Variants in KCNQ1 observed in about 807,000 individuals in gnomAD.
KCNQ1 encodes potassium voltage-gated channel subfamily Q member 1, also known as potassium voltage-gated channel subfamily KQT member 1.
In KCNQ1, 49 loss-of-function variants were observed where a neutral mutation model predicts 72.4. That is an observed-to-expected ratio of 0.68 (90% CI 0.54 to 0.86). The LOEUF (loss-of-function observed/expected upper bound fraction) is 0.86, where lower values mean the gene tolerates loss of function less well. KCNQ1 is among the 40% of genes least tolerant of loss of function. The pLI is 0.00. For missense variants in KCNQ1, 790 were observed against 945.1 expected, an observed-to-expected ratio of 0.84 and a Z score of 2.15; for synonymous variants, 450 against 412.6, an observed-to-expected ratio of 1.09 and a Z score of -1.10.
At chr11:2,846,747 G>T (rs372628675) in intron 15 of KCNQ1, among the ~76,000 whole-genome samples, 1 of 152,258 alleles carries the variant, frequency 6.6e-6, no homozygotes, top group Non-Finnish European at 1.5e-5. Context: ...ATTCCCCAGC[G>T]GTGCTGTCCT....
chr11:2,661,965 GA>G lies in KCNQ1; in HGVS notation c.1400del (p.Lys467ArgfsTer8). Reference sequence around the variant, plus strand: ...GTCCCCACACTTTCTCCTCAGTAAGGAAGAGCCCAACACTGCTGGAAGTGAG... The same window carrying G: ...GTCCCCACACTTTCTCCTCAGTAAGGAGAGCCCAACACTGCTGGAAGTGAG... ...SVDGYDSSVR[K>X]SPTLLEVSMP... On this transcript the variant is annotated frameshift_variant, in exon 11 of 16. Transcript: ENST00000155840. LOFTEE classifies it high-confidence loss of function. This position sits in a 1 kb window ranked among gnomAD's most constrained non-coding sequence, Gnocchi z 5.9. 1.2e-6 allele frequency: 2 copies of G among 1,614,182 alleles called. No homozygotes were observed. The highest frequency in any genetic ancestry group is 2.2e-5 in the South Asian group (2 of 91,086).
chr11:2,676,785 T>C lies in KCNQ1; in HGVS notation c.1514+14704T>C, dbSNP rs1381178938. ...GCAACCCTAGGACATTTGAAGAGAATGGAGTGATGGCCAGTGTATTGTGCT... is the reference window on the plus strand; with the variant it reads ...GCAACCCTAGGACATTTGAAGAGAACGGAGTGATGGCCAGTGTATTGTGCT... On this transcript the variant is annotated intron_variant, in intron 11 of 15. Coordinates refer to ENST00000155840, the MANE Select transcript of KCNQ1 (RefSeq NM_000218.3). The surrounding 1 kb of genome is among the most constrained non-coding windows in gnomAD (Gnocchi z 4.2). 2.5e-6 allele frequency: 1 copy of C among 398,482 alleles called. No individual in the cohort carries two copies. Among genetic ancestry groups the C allele is most frequent in the East Asian group, 3.6e-5 (1 of 28,084 alleles). 24.7% of individuals were successfully genotyped at this position (398,482 alleles called of 1,614,324 possible).
In KCNQ1 at chr11:2,830,047, G is replaced by T. The variant is rs539786014; in HGVS notation, c.1795-17720G>T. Among the ~76,000 whole-genome samples, 94 of 150,528 alleles carry T rather than the reference G, an allele frequency of 6.2e-4. No individual in the cohort carries two copies. Among genetic ancestry groups the T allele is most frequent in the Admixed American group, 4.6e-4 (7 of 15,126 alleles). On this transcript the variant is annotated intron_variant, in intron 15 of 15. Transcript: ENST00000155840. This position sits in a 1 kb window ranked among gnomAD's most constrained non-coding sequence, Gnocchi z 7.7. The stretch of plus-strand genomic sequence containing the variant: ...GGAGGAAGGAGGAGGGAGGAGGAAG[G>T]AGGAGGGAGGAGGGAGGAAGAGAGA...
At position 2,536,774 on chromosome 11, in the gene KCNQ1, G is replaced by T. The variant is rs1025398617; in HGVS notation, c.477+8756G>T. ...TGGGCTGCGTGATGGGGGACCCCAG[G>T]CTGGGCGGCTTAAACCGTGGAGGTC... is the stretch of plus-strand genomic sequence containing the variant. On this transcript the variant is annotated intron_variant, in intron 2 of 15. Transcript: ENST00000155840. This position sits in a 1 kb window ranked among gnomAD's most constrained non-coding sequence, Gnocchi z 7.4. 2.0e-5 allele frequency among the ~76,000 whole-genome samples: 3 copies of T among 150,994 alleles called. No homozygotes were observed. Among genetic ancestry groups the T allele is most frequent in the Admixed American group, 2.0e-4 (3 of 15,248 alleles).
intron 2 of KCNQ1, among the ~76,000 whole-genome samples, chr11:2,528,519 C>T (rs542041111): frequency 7.9e-5 from 12 of 152,206 alleles, no homozygotes; most frequent in Non-Finnish European, 1.8e-4. Context: ...GAGAGCAGGG[C>T]AGGGCAGGCT....
At chr11:2,540,097 G>C (rs1157250164) in intron 2 of KCNQ1, among the ~76,000 whole-genome samples, 1 of 152,140 alleles carries the variant, frequency 6.6e-6, no homozygotes, top group African/African-American at 2.4e-5. Flanking sequence ...GATCCACCCT[G>C]TGGGGCCCAC....
At chr11:2,501,684 A>G (rs112298245) in intron 1 of KCNQ1, among the ~76,000 whole-genome samples, 2,644 of 139,362 alleles carry the variant, frequency 0.019, 41 homozygotes, top group South Asian at 0.057. Context: ...CAAGGCCCGT[A>G]TTACCCTGTT....
chr11:2,580,506 G>T (rs1255828134), intron 6 of KCNQ1, among the ~76,000 whole-genome samples: 3 of 152,098 alleles, frequency 2.0e-5, no homozygotes, highest in African/African-American at 4.8e-5. Context: ...AGAAAGCCTG[G>T]CTCCCCAGAG....
In KCNQ1 at chr11:2,679,694, T is replaced by C. The variant is rs555789258; in HGVS notation, c.1514+17613T>C. ...GCATAGGATCCCAGATTAGATTTTT[T>C]TTAAATCAGCCGTTCTCTGTATTCT... On this transcript the variant is annotated intron_variant, in intron 11 of 15. Transcript: ENST00000155840. The surrounding 1 kb of genome is among the most constrained non-coding windows in gnomAD (Gnocchi z 4.8). The C allele has an allele frequency of 2.5e-6, 1 of 398,584 alleles. No homozygotes were observed. Among genetic ancestry groups the C allele is most frequent in the South Asian group, 1.3e-4 (1 of 7,856 alleles). The allele number at this position is 398,584 out of a possible 1,614,324, so 24.7% of individuals were successfully genotyped here.
Position 2,752,224 on chromosome 11 carries a change from T to TGAACC in KCNQ1, c.1515-16620_1515-16619insGAACC, listed in dbSNP as rs1846238128. 6.6e-6 allele frequency among the ~76,000 whole-genome samples: 1 copy of TGAACC among 152,148 alleles called. No individual in the cohort carries two copies. The highest frequency in any genetic ancestry group is 1.5e-5 in the Non-Finnish European group (1 of 68,036). ...CTGAGTTGAGGTGACTGGGTTGATT[T>TGAACC]TAGCTTCACAGGTGATCTGAACCCA... On this transcript the variant is annotated intron_variant, in intron 11 of 15. Transcript: ENST00000155840. The surrounding 1 kb of genome is among the most constrained non-coding windows in gnomAD (Gnocchi z 5.2).
rs1388406076 is a variant in KCNQ1 at position 2,665,353 on chromosome 11, G to C, written c.1514+3272G>C. The C allele has an allele frequency of 1.0e-5, 4 of 398,082 alleles. No homozygotes were observed. In the East Asian group the frequency reaches 1.1e-4, roughly 11 times the overall value. The allele number at this position is 398,082 out of a possible 1,614,324, so 24.7% of individuals were successfully genotyped here. A position where few individuals can be genotyped will look rare whatever the true frequency, so the allele number is the denominator to read the frequency against. On this transcript the variant is annotated intron_variant, in intron 11 of 15. Coordinates refer to ENST00000155840, the MANE Select transcript of KCNQ1 (RefSeq NM_000218.3). ...GACTGTAGGCCTGCATGGGCAGTTG[G>C]GGAGCACCCCCATGACAAGAGGAGC...
chr11:2,517,993 C>A (rs376686487), intron 1 of KCNQ1, among the ~76,000 whole-genome samples: 1 of 152,264 alleles, frequency 6.6e-6, no homozygotes, highest in East Asian at 1.9e-4. Flanking sequence ...TAACTCACTT[C>A]CAGATTCACC....
intron 6 of KCNQ1, among the ~76,000 whole-genome samples, chr11:2,581,594 C>T (rs1055544021): frequency 6.6e-6 from 1 of 152,242 alleles, no homozygotes; most frequent in Non-Finnish European, 1.5e-5. Context: ...CTGCGCTGTG[C>T]GTTCAAGGTG....
intron 11 of KCNQ1, among the ~76,000 whole-genome samples, chr11:2,763,395 C>G (rs1448389248): frequency 2.4e-5 from 2 of 82,056 alleles, no homozygotes; most frequent in East Asian, 6.1e-4. Flanking sequence ...AAGACCCCAT[C>G]TTAGAAGAAA....
rs1013330296 is a variant in KCNQ1, at chr11:2,813,115, G to A, written c.1795-34652G>A. On this transcript the variant is annotated intron_variant, in intron 15 of 15. Transcript: ENST00000155840. This position sits in a 1 kb window ranked among gnomAD's most constrained non-coding sequence, Gnocchi z 4.4. Reference sequence around the variant, plus strand: ...CCTGTGAGAACCCTGTGCCTAGAACGGAGCCTGGTACAGAGGAAGAACCCG... The same window carrying A: ...CCTGTGAGAACCCTGTGCCTAGAACAGAGCCTGGTACAGAGGAAGAACCCG... Among the ~76,000 whole-genome samples, 3 of 152,218 alleles carry A rather than the reference G, an allele frequency of 2.0e-5. No individual in the cohort carries two copies. Among genetic ancestry groups the A allele is most frequent in the Non-Finnish European group, 2.9e-5 (2 of 68,038 alleles).
chr11:2,749,447 A>G (rs1233829145), intron 11 of KCNQ1, among the ~76,000 whole-genome samples: 2 of 152,062 alleles, frequency 1.3e-5, no homozygotes, highest in Non-Finnish European at 2.9e-5. Flanking sequence ...CACGCTGCTG[A>G]GCCTCTCTGG....
chr11:2,484,006 A>T lies in KCNQ1; in HGVS notation c.386+38522A>T, dbSNP rs780277474. On this transcript the variant is annotated intron_variant, in intron 1 of 15. Transcript: ENST00000155840. This position sits in a 1 kb window ranked among gnomAD's most constrained non-coding sequence, Gnocchi z 5.2. ...CCAAATGGGGATTTGTTTATTTCCC[A>T]CTTTCTTTCTATGTTTGTTAATTTG... Among the ~76,000 whole-genome samples, 1 of 152,056 alleles carries T rather than the reference A, an allele frequency of 6.6e-6. No individual in the cohort carries two copies. The highest frequency in any genetic ancestry group is 1.5e-5 in the Non-Finnish European group (1 of 67,978).
chr11:2,630,790 C>CT, intron 10 of KCNQ1: 1 of 398,458 alleles, frequency 2.5e-6, no homozygotes, highest in Non-Finnish European at 4.4e-6. Flanking sequence ...ACTCCTTCAA[C>CT]TTTTGTTTAC....
rs1185558986 is a variant in KCNQ1 at position 2,652,408 on chromosome 11, G to A, written c.1394-9553G>A. 4.8e-5 allele frequency: 19 copies of A among 398,548 alleles called. No individual in the cohort carries two copies. The highest frequency in any genetic ancestry group is 8.0e-5 in the Non-Finnish European group (18 of 226,048). The allele number at this position is 398,548 out of a possible 1,614,324, so 24.7% of individuals were successfully genotyped here. A position where few individuals can be genotyped will look rare whatever the true frequency, so the allele number is the denominator to read the frequency against. The stretch of plus-strand genomic sequence containing the variant: ...AGATTAAAAACATTTTTTTCTTCCT[G>A]TGTAATTTTGTCTTGAAAATCAAGG... On this transcript the variant is annotated intron_variant, in intron 10 of 15. Transcript: ENST00000155840. The surrounding 1 kb of genome is among the most constrained non-coding windows in gnomAD (Gnocchi z 5.9).
Sources: allele counts gnomAD v4.1 joint callset (sites outside exome capture counted in the v4.1 genomes callset), GRCh38; gene constraint gnomAD v4.1.1; non-coding constraint Gnocchi (gnomAD v3.1); transcripts MANE v1.5; gene names NCBI Gene and HGNC (gene_info 2026-07-23, HGNC 2026-07-21).